The following RAB3GAP1 variants were observed in gnomAD, a reference collection of about 807,000 sequenced individuals.
RAB3GAP1 encodes rab3 GTPase-activating protein catalytic subunit.
A neutral mutation model predicts 130.7 loss-of-function variants in RAB3GAP1; 86 were observed. The ratio of observed to expected loss-of-function variants is 0.66; its 90% CI spans 0.55 to 0.79. The LOEUF is 0.79. RAB3GAP1 is among the 30% of genes least tolerant of loss of function. The pLI is 0.00. For synonymous variants in RAB3GAP1, 367 were observed against 401.7 expected (o/e 0.91, Z 1.03); for missense variants, 1,029 against 1,169.4 (o/e 0.88, Z 1.75).
At chr2:135,145,157 C>T (rs368103160) in intron 17 of RAB3GAP1, among the ~76,000 whole-genome samples, 15 of 152,020 alleles carry the variant, frequency 9.9e-5, no homozygotes, top group Admixed American at 6.6e-4. Context: ...ATGATCAAGT[C>T]AGGGTGTTTG....
rs1691480580 is a variant in RAB3GAP1 at position 135,129,921 on chromosome 2, A to T, written c.974-74A>T. 3 of 939,656 alleles carry T rather than the reference A, an allele frequency of 3.2e-6. No homozygotes were observed. In the East Asian group the frequency reaches 7.6e-5, roughly 24 times the overall value. The allele number at this position is 939,656 out of a possible 1,614,324, so 58.2% of individuals were successfully genotyped here. A position where few individuals can be genotyped will look rare whatever the true frequency, so the allele number is the denominator to read the frequency against. Reference sequence around the variant, plus strand: ...CTTAGTTAATAGCTTTTGTGGAAAGATGTACTTTAATTTATAGGACTGATT... The same window carrying T: ...CTTAGTTAATAGCTTTTGTGGAAAGTTGTACTTTAATTTATAGGACTGATT... On this transcript the variant is annotated intron_variant, in intron 11 of 23. Transcript: ENST00000264158.
intron 7 of RAB3GAP1, among the ~76,000 whole-genome samples, chr2:135,118,157 C>G (rs1691085627): frequency 6.6e-6 from 1 of 152,076 alleles, no homozygotes; most frequent in African/African-American, 2.4e-5. Flanking sequence ...AGTCCTTCTT[C>G]TTAAGAAATC....
At chr2:135,139,712 C>G (rs1691783359) in intron 17 of RAB3GAP1, among the ~76,000 whole-genome samples, 1 of 152,150 alleles carries the variant, frequency 6.6e-6, no homozygotes, top group Admixed American at 6.5e-5. Context: ...TGGAAATTCT[C>G]TACATTCTCT....
At chr2:135,101,205 T>C (rs1216195491) in intron 5 of RAB3GAP1, among the ~76,000 whole-genome samples, 1 of 152,204 alleles carries the variant, frequency 6.6e-6, no homozygotes, top group Non-Finnish European at 1.5e-5. Context: ...ATTCATATAA[T>C]TTTTATTGTA....
At chr2:135,145,399 TACACACAC>T (rs10603690) in intron 17 of RAB3GAP1, among the ~76,000 whole-genome samples, 2 of 147,112 alleles carry the variant, frequency 1.4e-5, no homozygotes, top group African/African-American at 2.5e-5. Context: ...CACACACACA[TACACACAC>T]ACACACACAC....
At chr2:135,138,249 A>C (rs1345520305) in intron 17 of RAB3GAP1, among the ~76,000 whole-genome samples, 1 of 151,176 alleles carries the variant, frequency 6.6e-6, no homozygotes, top group Non-Finnish European at 1.5e-5. Context: ...ATTCAAGACC[A>C]GCCTGGGCAA....
At chr2:135,090,946 A>G in intron 3 of RAB3GAP1, 52 bp from the exon 4 acceptor site, 1 of 1,507,612 alleles carries the variant, frequency 6.6e-7, no homozygotes, top group South Asian at 1.1e-5. Context: ...AGTAAATATA[A>G]TGATAGCTAT....
In RAB3GAP1 at chr2:135,163,009, T is replaced by C. The variant is rs1692513075; in HGVS notation, c.2514T>C (p.Asn838=). The C allele has an allele frequency of 1.9e-6, 3 of 1,613,822 alleles. No individual in the cohort carries two copies. Among genetic ancestry groups the C allele is most frequent in the Non-Finnish European group, 1.7e-6 (2 of 1,179,712 alleles). ...KLEEIIHQIT[N]VEALIARARS... ...AGGAAATCATTCACCAGATTACTAATGTGGAAGCTCTCATTGCCAGAGCTC... is the reference window on the plus strand; with the variant it reads ...AGGAAATCATTCACCAGATTACTAACGTGGAAGCTCTCATTGCCAGAGCTC... Residue 838 remains asparagine, a synonymous_variant, in exon 22 of 24, where the codon AAT becomes AAC. Coordinates refer to ENST00000264158, the MANE Select transcript of RAB3GAP1 (RefSeq NM_012233.3).
intron 17 of RAB3GAP1, among the ~76,000 whole-genome samples, chr2:135,147,623 C>CG (rs1692039353): frequency 6.8e-6 from 1 of 147,926 alleles, no homozygotes; most frequent in African/African-American, 2.6e-5. Context: ...CCTCCCCCCC[C>CG]CTTTTTTTTT....
At chr2:135,165,169 G>A (rs1692600629) in intron 23 of RAB3GAP1, 1 of 456,122 alleles carries the variant, frequency 2.2e-6, no homozygotes, top group South Asian at 1.6e-5. Flanking sequence ...AAAAGAAGAG[G>A]AAAACTTCAG....
chr2:135,153,891 A>G lies in RAB3GAP1; in HGVS notation c.2289+15A>G, dbSNP rs768136191. On this transcript the variant is annotated intron_variant, in intron 19 of 23. Transcript: ENST00000264158. ...AAGCAGAAAAGGTAATTGAGGTTTG[A>G]GTCTCTAATACTAGAATGCAAATTA... The G allele has an allele frequency of 8.7e-6, 14 of 1,603,798 alleles. No individual in the cohort carries two copies. The East Asian group carries it at 3.1e-4, about 36-fold the overall frequency.
chr2:135,137,281 C>T (rs1292127279), intron 17 of RAB3GAP1: 1 of 340,406 alleles, frequency 2.9e-6, no homozygotes, highest in East Asian at 8.6e-5. Flanking sequence ...GCGTATTCCA[C>T]ACATCTGTAC....
intron 5 of RAB3GAP1, among the ~76,000 whole-genome samples, chr2:135,104,710 A>ATAAT (rs1422188296): frequency 2.0e-5 from 3 of 150,514 alleles, no homozygotes; most frequent in Non-Finnish European, 4.4e-5. Context: ...AAATAAATAA[A>ATAAT]TAAATAAATA....
intron 23 of RAB3GAP1, among the ~76,000 whole-genome samples, chr2:135,168,181 C>A (rs1274430585): frequency 6.6e-6 from 1 of 152,170 alleles, no homozygotes; most frequent in Non-Finnish European, 1.5e-5. Flanking sequence ...AAAAACAGCT[C>A]CTTACTGGAC....
chr2:135,054,473 CAT>C (rs1319790602), intron 2 of RAB3GAP1, among the ~76,000 whole-genome samples: 1 of 152,138 alleles, frequency 6.6e-6, no homozygotes. Flanking sequence ...AGGATTGTAA[CAT>C]ATTTCAGAGA....
chr2:135,058,992 A>G (rs959102485), intron 3 of RAB3GAP1: 2 of 152,066 alleles, frequency 1.3e-5, no homozygotes, highest in Admixed American at 6.6e-5. Flanking sequence ...TGGTGATACT[A>G]TCAAAAAAGA....
chr2:135,062,669 ATC>A (rs1434552068), intron 3 of RAB3GAP1, among the ~76,000 whole-genome samples: 4 of 152,234 alleles, frequency 2.6e-5, no homozygotes, highest in African/African-American at 9.6e-5. Context: ...AACATGGCAC[ATC>A]TCTCCATTTA....
rs139040603 is a variant in RAB3GAP1 at position 135,169,094 on chromosome 2, G to A, written c.*313G>A. The A allele has an allele frequency of 3.9e-5, 17 of 435,026 alleles. No individual in the cohort carries two copies. Among genetic ancestry groups the A allele is most frequent in the African/African-American group, 3.0e-4 (15 of 49,860 alleles). The allele number at this position is 435,026 out of a possible 1,614,324, so 26.9% of individuals were successfully genotyped here. A position where few individuals can be genotyped will look rare whatever the true frequency, so the allele number is the denominator to read the frequency against. Reference sequence around the variant, plus strand: ...TCACACTGGCAGGACGGTGTTCATCGCATTCTCTTCTGTGACCAGCCTCTA... The same window carrying A: ...TCACACTGGCAGGACGGTGTTCATCACATTCTCTTCTGTGACCAGCCTCTA... On this transcript the variant is annotated 3_prime_UTR_variant, in exon 24 of 24. Transcript: ENST00000264158.
chr2:135,117,459 TCTG>T (rs1350243251), intron 7 of RAB3GAP1, among the ~76,000 whole-genome samples: 10 of 62,258 alleles, frequency 1.6e-4, no homozygotes, highest in African/African-American at 6.6e-4. Context: ...TTCTTCTGCT[TCTG>T]CTTCTGCTTC....
Sources: allele counts gnomAD v4.1 joint callset (sites outside exome capture counted in the v4.1 genomes callset), GRCh38; gene constraint gnomAD v4.1.1; transcripts MANE v1.5; gene names NCBI Gene and HGNC (gene_info 2026-07-23, HGNC 2026-07-21).